The following CAMTA1 variants were observed in gnomAD, a reference collection of about 807,000 sequenced individuals.
CAMTA1 encodes calmodulin-binding transcription activator 1.
Under a neutral mutation model 170.9 loss-of-function variants are expected in CAMTA1, and 27 were observed. The observed-to-expected ratio is 0.16, with a 90% confidence interval of 0.12 to 0.22. The LOEUF is 0.22. Ranked by LOEUF, CAMTA1 falls within the 10% of genes least tolerant of loss-of-function variation. The pLI, the probability that CAMTA1 is intolerant of heterozygous loss-of-function variation, is 1.00. For missense variants in CAMTA1, 1,619 were observed against 2,217.2 expected, an observed-to-expected ratio of 0.73 and a Z score of 5.42; for synonymous variants, 833 against 891.5, an observed-to-expected ratio of 0.93 and a Z score of 1.17.
At chr1:7,053,186 C>A (rs987921107) in intron 3 of CAMTA1, among the ~76,000 whole-genome samples, 1 of 152,192 alleles carries the variant, frequency 6.6e-6, no homozygotes, top group South Asian at 2.1e-4. Flanking sequence ...TGTTTGCCGC[C>A]GCAGCGTCCC....
chr1:7,498,806 CAT>C (rs1193265787), intron 6 of CAMTA1, among the ~76,000 whole-genome samples: 1 of 142,306 alleles, frequency 7.0e-6, no homozygotes, highest in Non-Finnish European at 1.5e-5. Context: ...CATGTGTGTA[CAT>C]GTGTGTAGAG....
intron 3 of CAMTA1, among the ~76,000 whole-genome samples, chr1:6,894,168 A>T (rs1260398599): frequency 7.5e-6 from 1 of 133,012 alleles, no homozygotes; most frequent in Admixed American, 7.4e-5. Flanking sequence ...TTCAGTACCC[A>T]CCCATCTACC....
intron 1 of CAMTA1, among the ~76,000 whole-genome samples, chr1:6,794,541 T>C (rs1364446849): frequency 2.0e-5 from 3 of 152,220 alleles, no homozygotes; most frequent in African/African-American, 7.2e-5. Context: ...CTTTAAGCCA[T>C]ATGAATGGTA....
chr1:7,316,083 C>T (rs1003486643), intron 5 of CAMTA1, among the ~76,000 whole-genome samples: 5 of 152,102 alleles, frequency 3.3e-5, no homozygotes, highest in African/African-American at 1.2e-4. Context: ...CTTATAAAAC[C>T]GTCAAATCTC....
chr1:6,999,083 A>G (rs1164902829), intron 3 of CAMTA1, among the ~76,000 whole-genome samples: 1 of 152,178 alleles, frequency 6.6e-6, no homozygotes, highest in Non-Finnish European at 1.5e-5. Context: ...ATGTTTCTAT[A>G]GCCAGCGTTT....
intron 4 of CAMTA1, among the ~76,000 whole-genome samples, chr1:7,106,582 T>G (rs1643613961): frequency 6.6e-6 from 1 of 152,122 alleles, no homozygotes; most frequent in Admixed American, 6.5e-5. Flanking sequence ...AACTTCGGTG[T>G]CTTTCTTAGC....
rs1012080737 is a variant in CAMTA1 at position 7,455,822 on chromosome 1, G to A, written c.439-12008G>A. Among the ~76,000 whole-genome samples, 12 of 152,232 alleles carry A rather than the reference G, an allele frequency of 7.9e-5. No individual in the cohort carries two copies. Among genetic ancestry groups the A allele is most frequent in the Non-Finnish European group, 1.5e-4 (10 of 68,042 alleles). The stretch of plus-strand genomic sequence containing the variant: ...TGGGCAGCACTTGGCCCTCCGTGCC[G>A]TCCAGAATGGCCTCGGGGAGTGGGC... On this transcript the variant is annotated intron_variant, in intron 5 of 22. Transcript: ENST00000303635. This position sits in a 1 kb window ranked among gnomAD's most constrained non-coding sequence, Gnocchi z 5.0.
rs1266747489 is a variant in CAMTA1 at position 7,766,576 on chromosome 1, AACAC to A, written c.*90_*93del. ...GTTTTTAGCAGAGACATGCAACAAC[AACAC>A]ACACGCACACACGCACACACACACA... On this transcript the variant is annotated 3_prime_UTR_variant, in exon 23 of 23. Coordinates refer to ENST00000303635, the MANE Select transcript of CAMTA1 (RefSeq NM_015215.4). 1.6e-6 allele frequency: 2 copies of A among 1,219,762 alleles called. No homozygotes were observed. The highest frequency in any genetic ancestry group is 2.4e-5 in the South Asian group (2 of 82,818). The allele number at this position is 1,219,762 out of a possible 1,614,324, so 75.6% of individuals were successfully genotyped here. A position where few individuals can be genotyped will look rare whatever the true frequency, so the allele number is the denominator to read the frequency against.
intron 11 of CAMTA1, among the ~76,000 whole-genome samples, chr1:7,690,177 A>C (rs1558138199): frequency 6.6e-6 from 1 of 152,226 alleles, no homozygotes; most frequent in African/African-American, 2.4e-5. Context: ...ATAAGAAGAA[A>C]GAGCCAGCTG....
chr1:7,630,681 A>T (rs1289491566), intron 6 of CAMTA1, among the ~76,000 whole-genome samples: 3 of 152,250 alleles, frequency 2.0e-5, no homozygotes, highest in Non-Finnish European at 4.4e-5. Flanking sequence ...TAATGAGGGC[A>T]GCCATGGGAA....
At chr1:7,217,638 A>T (rs1362350176) in intron 4 of CAMTA1, among the ~76,000 whole-genome samples, 2 of 152,066 alleles carry the variant, frequency 1.3e-5, no homozygotes, top group East Asian at 3.9e-4. Flanking sequence ...TTTATATATA[A>T]GAAATTCTCA....
intron 3 of CAMTA1, among the ~76,000 whole-genome samples, chr1:6,938,882 G>GAC (rs1685924766): frequency 6.6e-6 from 1 of 152,206 alleles, no homozygotes; most frequent in Non-Finnish European, 1.5e-5. Flanking sequence ...CCAGAAGATG[G>GAC]AGACGTGTCA....
Position 7,452,724 on chromosome 1 carries a change from C to T in CAMTA1, c.439-15106C>T, listed in dbSNP as rs1024579914. Reference sequence around the variant, plus strand: ...TTGGTTCCCCTCTCGGGGTGGATAACGTTCCATTGTATGGCGAGCCCACAT... The same window carrying T: ...TTGGTTCCCCTCTCGGGGTGGATAATGTTCCATTGTATGGCGAGCCCACAT... On this transcript the variant is annotated intron_variant, in intron 5 of 22. Transcript: ENST00000303635. Among the ~76,000 whole-genome samples the T allele has an allele frequency of 9.2e-5, 14 of 152,178 alleles. No homozygotes were observed. In the East Asian group the frequency reaches 1.3e-3, roughly 15 times the overall value.
At position 7,594,527 on chromosome 1, in the gene CAMTA1, G is replaced by A. The variant is rs1185624462; in HGVS notation, c.511-45873G>A. 2.0e-5 allele frequency among the ~76,000 whole-genome samples: 3 copies of A among 152,222 alleles called. No individual in the cohort carries two copies. The East Asian group carries it at 5.8e-4, about 29-fold the overall frequency. On this transcript the variant is annotated intron_variant, in intron 6 of 22. Coordinates refer to ENST00000303635, the MANE Select transcript of CAMTA1 (RefSeq NM_015215.4). ...ATGATCTGATTGATGTGTTTTAAAA[G>A]CTCCCTCTGGCTGCTTTGGGCAACA... is the stretch of plus-strand genomic sequence containing the variant.
chr1:7,663,921 C>A lies in CAMTA1; in HGVS notation c.1374C>A (p.Thr458=). 1 of 1,613,926 alleles carries A rather than the reference C, an allele frequency of 6.2e-7. No individual in the cohort carries two copies. Among genetic ancestry groups the A allele is most frequent in the South Asian group, 1.1e-5 (1 of 91,080 alleles). The part of the protein sequence containing the change: ...GSSESLSMLP[T]NVSEELVLST... ...CGGAGAGCCTGTCCATGCTGCCCAC[C>A]AACGTGTCCGAAGAGCTGGTCCTCT... The change falls in exon 9 of 23, where the codon ACC becomes ACA. Residue 458 remains threonine (T), a synonymous_variant. Coordinates refer to ENST00000303635, the MANE Select transcript of CAMTA1 (RefSeq NM_015215.4).
intron 3 of CAMTA1, among the ~76,000 whole-genome samples, chr1:7,004,507 T>C (rs1478063297): frequency 6.6e-6 from 1 of 152,156 alleles, no homozygotes; most frequent in Admixed American, 6.5e-5. Flanking sequence ...GAACTATGTG[T>C]TCTGCTTGCT....
In CAMTA1 at chr1:7,007,654, G is replaced by C. The variant is rs1699198877; in HGVS notation, c.235-83650G>C. On this transcript the variant is annotated intron_variant, in intron 3 of 22. Transcript: ENST00000303635. The surrounding 1 kb of genome is among the most constrained non-coding windows in gnomAD (Gnocchi z 4.5). ...ACCCAGACTGCCGAGGGGTGGCCGG[G>C]CCCTGTCAGTGCTGCGGAGGTGAGC... 6.6e-6 allele frequency among the ~76,000 whole-genome samples: 1 copy of C among 152,142 alleles called. No homozygotes were observed. The highest frequency in any genetic ancestry group is 1.9e-4 in the East Asian group (1 of 5,174).
intron 6 of CAMTA1, among the ~76,000 whole-genome samples, chr1:7,499,541 G>A (rs1055574591): frequency 7.1e-6 from 1 of 141,790 alleles, no homozygotes; most frequent in Non-Finnish European, 1.5e-5. Flanking sequence ...GTGTGTGTGT[G>A]CATGTGTGTC....
rs935968490 is a variant in CAMTA1, at chr1:7,050,001, C to T, written c.235-41303C>T. Among the ~76,000 whole-genome samples, 11 of 152,212 alleles carry T rather than the reference C, an allele frequency of 7.2e-5. No individual in the cohort carries two copies. The highest frequency in any genetic ancestry group is 3.3e-4 in the Admixed American group (5 of 15,298). ...AAGTGAAGGAGGGAATGGGGTCCAGCGGGGGAAGGGAATCCCAGGGACATC... is the reference window on the plus strand; with the variant it reads ...AAGTGAAGGAGGGAATGGGGTCCAGTGGGGGAAGGGAATCCCAGGGACATC... On this transcript the variant is annotated intron_variant, in intron 3 of 22. Coordinates refer to ENST00000303635, the MANE Select transcript of CAMTA1 (RefSeq NM_015215.4). The surrounding 1 kb of genome is among the most constrained non-coding windows in gnomAD (Gnocchi z 4.8).
Sources: gnomAD v4.1 joint callset for allele counts (sites outside exome capture counted in the v4.1 genomes callset) on GRCh38, gnomAD v4.1.1 for gene constraint, Gnocchi (gnomAD v3.1) non-coding constraint, MANE v1.5 for transcripts, NCBI Gene and HGNC (gene_info 2026-07-23, HGNC 2026-07-21) for gene names.